Variants in GHR observed in about 807,000 individuals in gnomAD.
The protein encoded by GHR is GH receptor.
In GHR, 35 loss-of-function variants were observed where a neutral mutation model predicts 67.1. The observed-to-expected ratio is 0.52, with a 90% CI of 0.40 to 0.69. The LOEUF is 0.69. GHR is among the 30% of genes least tolerant of loss of function. The pLI is 0.00. For synonymous variants in GHR, 272 were observed against 269.1 expected, an observed-to-expected ratio of 1.01 and a Z score of -0.10; for missense variants, 792 against 764.6, an observed-to-expected ratio of 1.04 and a Z score of -0.42.
At chr5:42,493,717 A>G (rs761131732) in intron 1 of GHR, among the ~76,000 whole-genome samples, 12 of 152,236 alleles carry the variant, frequency 7.9e-5, no homozygotes, top group Non-Finnish European at 1.5e-4. Context: ...CACAAGTTTT[A>G]CAGACATTTT....
At chr5:42,459,693 G>A (rs974932349) in intron 1 of GHR, among the ~76,000 whole-genome samples, 4 of 152,050 alleles carry the variant, frequency 2.6e-5, no homozygotes, top group East Asian at 1.9e-4. Flanking sequence ...ATTAATGAGC[G>A]TGATACCAGA....
chr5:42,680,700 T>C (rs1425457521), intron 3 of GHR, among the ~76,000 whole-genome samples: 1 of 152,010 alleles, frequency 6.6e-6, no homozygotes, highest in African/African-American at 2.4e-5. Flanking sequence ...AGACGGAGTT[T>C]CACTATGTTG....
chr5:42,496,359 G>T (rs942695014), intron 1 of GHR, among the ~76,000 whole-genome samples: 1 of 152,112 alleles, frequency 6.6e-6, no homozygotes, highest in African/African-American at 2.4e-5. Flanking sequence ...TTAGGAGAAG[G>T]TTTAGCAAAT....
chr5:42,442,678 C>A (rs975991058), intron 1 of GHR, among the ~76,000 whole-genome samples: 1 of 152,144 alleles, frequency 6.6e-6, no homozygotes, highest in Non-Finnish European at 1.5e-5. Context: ...GGGTGTAGGG[C>A]CCATCCCAGT....
In GHR at chr5:42,482,376, C is replaced by T. The variant is rs536804952; in HGVS notation, c.-12+58421C>T. Among the ~76,000 whole-genome samples, 366 of 152,260 alleles carry T rather than the reference C, an allele frequency of 2.4e-3. 1 individual carries two copies. Among genetic ancestry groups the T allele is most frequent in the African/African-American group, 7.9e-3 (327 of 41,552 alleles). ...CTGCCTGTTCTCAGATCTCAAGCTGCGTGCTGGGAGAACCACTACTTTCTT... is the reference window on the plus strand; with the variant it reads ...CTGCCTGTTCTCAGATCTCAAGCTGTGTGCTGGGAGAACCACTACTTTCTT... On this transcript the variant is annotated intron_variant, in intron 1 of 9. Transcript: ENST00000230882.
intron 3 of GHR, among the ~76,000 whole-genome samples, chr5:42,632,921 T>C (rs982033828): frequency 1.3e-4 from 20 of 152,196 alleles, no homozygotes; most frequent in Non-Finnish European, 2.8e-4. Context: ...TACAATCTCC[T>C]AGAGAAAAGC....
intron 3 of GHR, among the ~76,000 whole-genome samples, chr5:42,645,234 A>G (rs548382744): frequency 2.0e-5 from 3 of 152,352 alleles, no homozygotes; most frequent in Non-Finnish European, 4.4e-5. Flanking sequence ...CTTGAAATCA[A>G]TCAACGTGGG....
intron 1 of GHR, among the ~76,000 whole-genome samples, chr5:42,549,403 G>C (rs1458502549): frequency 1.3e-5 from 2 of 152,334 alleles, no homozygotes; most frequent in East Asian, 1.9e-4. Context: ...AGCCACAGGA[G>C]AGAGATGACA....
chr5:42,696,361 G>A (rs960534871), intron 5 of GHR, among the ~76,000 whole-genome samples: 1 of 152,230 alleles, frequency 6.6e-6, no homozygotes, highest in Non-Finnish European at 1.5e-5. Context: ...GTGGCCAAAG[G>A]CGTGAATGAC....
chr5:42,527,250 C>T (rs757291209), intron 1 of GHR, among the ~76,000 whole-genome samples: 1 of 152,122 alleles, frequency 6.6e-6, no homozygotes, highest in East Asian at 1.9e-4. Flanking sequence ...TGTAAATGGG[C>T]TAAATGCCTC....
chr5:42,581,934 G>A (rs1003949571), intron 2 of GHR, among the ~76,000 whole-genome samples: 3 of 152,232 alleles, frequency 2.0e-5, no homozygotes, highest in Non-Finnish European at 4.4e-5. Context: ...GCCTCTCCCT[G>A]CACCTGCACC....
At chr5:42,473,851 T>G (rs1407664471) in intron 1 of GHR, among the ~76,000 whole-genome samples, 1 of 144,542 alleles carries the variant, frequency 6.9e-6, no homozygotes, top group Non-Finnish European at 1.5e-5. Flanking sequence ...CACTCCAGCC[T>G]GGTGACAGCA....
intron 3 of GHR, among the ~76,000 whole-genome samples, chr5:42,638,711 T>G (rs527364134): frequency 6.6e-6 from 1 of 152,174 alleles, no homozygotes; most frequent in African/African-American, 2.4e-5. Context: ...AAGACTATAG[T>G]TGAAAATTTT....
intron 1 of GHR, among the ~76,000 whole-genome samples, chr5:42,441,325 T>C (rs930990516): frequency 1.3e-5 from 2 of 152,146 alleles, no homozygotes; most frequent in African/African-American, 2.4e-5. Context: ...ATAAATTTGA[T>C]GTTTTGAAGG....
At chr5:42,636,165 T>G (rs1754176490) in intron 3 of GHR, among the ~76,000 whole-genome samples, 2 of 122,862 alleles carry the variant, frequency 1.6e-5, no homozygotes, top group South Asian at 2.6e-4. Flanking sequence ...AGCCGAGATC[T>G]CACCACTGGA....
intron 2 of GHR, among the ~76,000 whole-genome samples, chr5:42,583,877 A>T (rs1751327276): frequency 6.8e-6 from 1 of 146,968 alleles, no homozygotes; most frequent in Admixed American, 6.8e-5. Flanking sequence ...CTTTAAATAA[A>T]GATATATATA....
intron 1 of GHR, among the ~76,000 whole-genome samples, chr5:42,464,767 G>T (rs940469252): frequency 2.0e-5 from 3 of 152,140 alleles, no homozygotes; most frequent in African/African-American, 7.2e-5. Context: ...GAATGGCTGT[G>T]TGTGCACACA....
chr5:42,500,075 AG>A (rs1746476830), intron 1 of GHR, among the ~76,000 whole-genome samples: 1 of 152,176 alleles, frequency 6.6e-6, no homozygotes, highest in African/African-American at 2.4e-5. Context: ...CAGGCATGAC[AG>A]TAGCTCATTT....
At chr5:42,612,155 C>T (rs1428193254) in intron 2 of GHR, among the ~76,000 whole-genome samples, 1 of 152,160 alleles carries the variant, frequency 6.6e-6, no homozygotes, top group African/African-American at 2.4e-5. Context: ...CAGTATTCCA[C>T]TCTCTGCAAA....
Sources: gnomAD v4.1 joint callset for allele counts (sites outside exome capture counted in the v4.1 genomes callset) on GRCh38, gnomAD v4.1.1 for gene constraint, MANE v1.5 for transcripts, NCBI Gene and HGNC (gene_info 2026-07-23, HGNC 2026-07-21) for gene names.